Variants in ATP8A1 observed in about 807,000 individuals in gnomAD.
The protein encoded by ATP8A1 is phospholipid-transporting ATPase IA.
In ATP8A1, 90 loss-of-function variants were observed where a neutral mutation model predicts 177.7. The observed-to-expected ratio is 0.51, with a 90% CI of 0.43 to 0.60. The LOEUF (loss-of-function observed/expected upper bound fraction) is 0.60, where lower values mean the gene tolerates loss of function less well. Among genes scored for constraint, ATP8A1 ranks in the 20% least tolerant of loss-of-function variants. The pLI is 0.00. For synonymous variants in ATP8A1, 493 were observed against 485.9 expected (o/e 1.01, Z -0.19); for missense variants, 1,072 against 1,392.8 (o/e 0.77, Z 3.67).
chr4:42,476,383 C>G (rs1025485999), intron 25 of ATP8A1, among the ~76,000 whole-genome samples: 7 of 152,056 alleles, frequency 4.6e-5, no homozygotes, highest in Non-Finnish European at 7.4e-5. Flanking sequence ...GAGGCTGAGG[C>G]TGAGTCGGGC....
At chr4:42,474,016 T>C (rs13126380) in intron 25 of ATP8A1, among the ~76,000 whole-genome samples, 81,348 of 151,876 alleles carry the variant, frequency 0.54, 22,275 homozygotes, top group East Asian at 0.81. Flanking sequence ...CCTTCCTATG[T>C]TGTGTGGATA....
At chr4:42,516,604 A>AT (rs1725561319) in intron 22 of ATP8A1, among the ~76,000 whole-genome samples, 1 of 152,216 alleles carries the variant, frequency 6.6e-6, no homozygotes, top group Admixed American at 6.5e-5. Context: ...ACATAATTGT[A>AT]TTTTTCTATT....
intron 1 of ATP8A1, among the ~76,000 whole-genome samples, chr4:42,632,781 G>T (rs1404005634): frequency 2.0e-5 from 3 of 152,302 alleles, no homozygotes. Context: ...CTTAGGGGCT[G>T]TGAGGTGAGC....
intron 30 of ATP8A1, 47 bp downstream of exon 30, chr4:42,451,934 A>G (rs758737075): frequency 1.5e-6 from 2 of 1,345,340 alleles, no homozygotes; most frequent in South Asian, 1.3e-5. Context: ...TTATTTTTCT[A>G]AAAAAGTAAA....
At position 42,600,527 on chromosome 4, in the gene ATP8A1, A is replaced by G. The variant is rs952286209; in HGVS notation, c.410-9T>C. On this transcript the variant is annotated splice_polypyrimidine_tract_variant and intron_variant, in intron 5 of 36. Coordinates refer to ENST00000381668, the MANE Select transcript of ATP8A1 (RefSeq NM_006095.2). ...AGCACCATTTCTCAAAACTGGAAAGAGAAAAGGTGACATTTTAAACAACAT... is the reference window on the plus strand; with the variant it reads ...AGCACCATTTCTCAAAACTGGAAAGGGAAAAGGTGACATTTTAAACAACAT... 6.2e-6 allele frequency: 10 copies of G among 1,608,894 alleles called. No individual in the cohort carries two copies. The highest frequency in any genetic ancestry group is 8.5e-6 in the Non-Finnish European group (10 of 1,178,262).
At chr4:42,481,860 G>A (rs571411553) in intron 25 of ATP8A1, among the ~76,000 whole-genome samples, 2 of 152,222 alleles carry the variant, frequency 1.3e-5, no homozygotes, top group African/African-American at 4.8e-5. Context: ...CAGTGGACTT[G>A]TGTGAGGGAG....
At chr4:42,635,107 T>C (rs1739138789) in intron 1 of ATP8A1, among the ~76,000 whole-genome samples, 1 of 152,184 alleles carries the variant, frequency 6.6e-6, no homozygotes, top group African/African-American at 2.4e-5. Flanking sequence ...TAAATCAATA[T>C]AGACAGCAAA....
At chr4:42,467,667 T>C (rs1719939575) in intron 25 of ATP8A1, among the ~76,000 whole-genome samples, 1 of 152,186 alleles carries the variant, frequency 6.6e-6, no homozygotes, top group Non-Finnish European at 1.5e-5. Context: ...CACTCCAGCC[T>C]GGGTGACAGA....
intron 27 of ATP8A1, among the ~76,000 whole-genome samples, chr4:42,457,852 C>A (rs1225037533): frequency 2.6e-5 from 4 of 152,076 alleles, no homozygotes; most frequent in African/African-American, 9.7e-5. Context: ...AAATGCATGA[C>A]CTGCTTTATA....
intron 24 of ATP8A1, among the ~76,000 whole-genome samples, chr4:42,499,354 A>G (rs2153192481): frequency 6.6e-6 from 1 of 152,304 alleles, no homozygotes; most frequent in African/African-American, 2.4e-5. Context: ...GCAGTACAGA[A>G]AGGAGGATGA....
At chr4:42,557,383 C>G (rs1730350743) in intron 15 of ATP8A1, among the ~76,000 whole-genome samples, 1 of 152,116 alleles carries the variant, frequency 6.6e-6, no homozygotes, top group Non-Finnish European at 1.5e-5. Flanking sequence ...ATGAAATTTT[C>G]CTATTAAAAT....
At chr4:42,623,942 C>T (rs1737776446) in intron 4 of ATP8A1, among the ~76,000 whole-genome samples, 1 of 151,958 alleles carries the variant, frequency 6.6e-6, no homozygotes, top group South Asian at 2.1e-4. Context: ...CATTGGTTTC[C>T]TCAAGTAAGA....
chr4:42,410,601 C>T lies in ATP8A1; in HGVS notation c.*2315G>A, dbSNP rs1377497348. ...CCTGTCCCTCAAACCCCAAGTCTCA[C>T]CCAGGAAGCAAAGAGACTGACAATG... is the stretch of plus-strand genomic sequence containing the variant. On this transcript the variant is annotated 3_prime_UTR_variant, in exon 37 of 37. Coordinates refer to ENST00000381668, the MANE Select transcript of ATP8A1 (RefSeq NM_006095.2). 1 of 152,108 alleles carries T rather than the reference C, an allele frequency of 6.6e-6. No homozygotes were observed. The highest frequency in any genetic ancestry group is 1.5e-5 in the Non-Finnish European group (1 of 68,008). 9.4% of individuals were successfully genotyped at this position (152,108 alleles called of 1,614,324 possible).
rs1169580922 is a variant in ATP8A1 at position 42,579,927 on chromosome 4, C to A, written c.886G>T (p.Val296Leu). The A allele has an allele frequency of 4.3e-6, 7 of 1,612,454 alleles. No homozygotes were observed. Among genetic ancestry groups the A allele is most frequent in the Non-Finnish European group, 5.9e-6 (7 of 1,179,052 alleles). Residue 296 changes from valine (V) to leucine (L), a missense_variant, in exon 11 of 37, where the codon GTA becomes TTA. By Grantham distance (32) the Val-to-Leu change is conservative (BLOSUM62 1). Around this residue, in one of 5 missense-constraint regions of ATP8A1, gnomAD observed 344 missense variants for 393.5 expected, o/e 0.87. Transcript: ENST00000381668. ...KLSNVERITNVQILILFCILI... is the reference protein window; with the variant it reads ...KLSNVERITNLQILILFCILI... ...ATACAAAATAAAATCAAAATTTGTACATTTGTAATCCGTTCCACATTTGAG... is the reference window on the plus strand; with the variant it reads ...ATACAAAATAAAATCAAAATTTGTAAATTTGTAATCCGTTCCACATTTGAG...
intron 9 of ATP8A1, among the ~76,000 whole-genome samples, chr4:42,585,475 C>T (rs958800865): frequency 6.8e-6 from 1 of 146,710 alleles, no homozygotes; most frequent in Non-Finnish European, 1.5e-5. Context: ...GGAATTCATG[C>T]CCTTACAAAA....
chr4:42,506,659 C>G (rs757130555), intron 23 of ATP8A1, among the ~76,000 whole-genome samples: 1 of 152,104 alleles, frequency 6.6e-6, no homozygotes. Context: ...GTGTGTGGTA[C>G]GCTCTTATGG....
At chr4:42,646,901 C>T (rs980507450) in intron 1 of ATP8A1, among the ~76,000 whole-genome samples, 5 of 152,166 alleles carry the variant, frequency 3.3e-5, no homozygotes, top group African/African-American at 1.2e-4. Context: ...GTCCCTTTAG[C>T]ACAAGTGATG....
chr4:42,555,147 TATCTATCTATCTATCTATC>T (rs1730032681), intron 16 of ATP8A1, among the ~76,000 whole-genome samples: 1 of 74,500 alleles, frequency 1.3e-5, no homozygotes. Context: ...CTAATCTATC[TATCTATCTATCTATCTATC>T]TATCTATCTA....
Position 42,578,358 on chromosome 4 carries a change from A to G in ATP8A1, c.1030T>C (p.Phe344Leu). The G allele has an allele frequency of 6.2e-7, 1 of 1,612,848 alleles. No homozygotes were observed. Among genetic ancestry groups the G allele is most frequent in the African/African-American group, 1.3e-5 (1 of 74,992 alleles). Residue 344 changes from phenylalanine to leucine, a missense_variant, in exon 12 of 37, where the codon TTC (phenylalanine) becomes CTC (leucine). Phe to Leu is a conservative substitution (Grantham distance 22). Coordinates refer to ENST00000381668, the MANE Select transcript of ATP8A1 (RefSeq NM_006095.2). ...YGGASNFGLNFLTFIILFNNL... is the reference protein window; with the variant it reads ...YGGASNFGLNLLTFIILFNNL... ...TTGAAAAGGATGATGAAGGTCAAGA[A>G]ATTCAGTCCAAAATTACTAGCGCCA... is the stretch of plus-strand genomic sequence containing the variant.
Sources: gnomAD v4.1 joint callset for allele counts (sites outside exome capture counted in the v4.1 genomes callset) on GRCh38, gnomAD v4.1.1 for gene constraint, gnomAD v4.1.1 regional missense constraint, MANE v1.5 for transcripts, NCBI Gene and HGNC (gene_info 2026-07-23, HGNC 2026-07-21) for gene names.